CTNNA3: variants seen among roughly 807,000 people sequenced by gnomAD.
CTNNA3 encodes the protein catenin alpha-3.
A neutral mutation model predicts 95.7 loss-of-function variants in CTNNA3; 76 were observed. That is an observed-to-expected ratio of 0.79 (90% CI 0.66 to 0.96). The LOEUF is 0.96. Among genes scored for constraint, CTNNA3 ranks in the 40% least tolerant of loss-of-function variants. The pLI is 0.00. For missense variants in CTNNA3, 1,191 were observed against 1,089.8 expected, an observed-to-expected ratio of 1.09 and a Z score of -1.31; for synonymous variants, 431 against 374.4, an observed-to-expected ratio of 1.15 and a Z score of -1.74.
At chr10:67,292,242 G>C (rs1839866716) in intron 5 of CTNNA3, among the ~76,000 whole-genome samples, 1 of 152,138 alleles carries the variant, frequency 6.6e-6, no homozygotes, top group African/African-American at 2.4e-5. Flanking sequence ...AGGTGTTATG[G>C]GGGGCTTTAG....
chr10:66,919,950 T>C (rs1299156703), intron 7 of CTNNA3, among the ~76,000 whole-genome samples: 2 of 152,234 alleles, frequency 1.3e-5, no homozygotes, highest in African/African-American at 2.4e-5. Flanking sequence ...TTGGTGAAAG[T>C]ACTTTATAAG....
At chr10:67,304,213 A>G (rs1489451730) in intron 5 of CTNNA3, among the ~76,000 whole-genome samples, 1 of 152,216 alleles carries the variant, frequency 6.6e-6, no homozygotes, top group Non-Finnish European at 1.5e-5. Flanking sequence ...TATTTCTATT[A>G]TACAATGCTT....
intron 13 of CTNNA3, among the ~76,000 whole-genome samples, chr10:66,233,452 A>G (rs183980203): frequency 6.6e-6 from 1 of 152,272 alleles, no homozygotes; most frequent in Non-Finnish European, 1.5e-5. Flanking sequence ...AACATTTAGA[A>G]TATGTAAAAG....
At chr10:66,179,232 C>T (rs576579613) in intron 13 of CTNNA3, among the ~76,000 whole-genome samples, 8 of 151,724 alleles carry the variant, frequency 5.3e-5, no homozygotes, top group Non-Finnish European at 7.4e-5. Flanking sequence ...ATTAAAAAAA[C>T]GAACCTACTA....
chr10:67,428,476 T>A (rs919398606), intron 5 of CTNNA3, among the ~76,000 whole-genome samples: 4 of 152,050 alleles, frequency 2.6e-5, no homozygotes, highest in Non-Finnish European at 5.9e-5. Flanking sequence ...ACAACTAGAA[T>A]AATTGTAGTT....
At chr10:67,415,200 AAAG>A (rs1172332375) in intron 5 of CTNNA3, among the ~76,000 whole-genome samples, 3 of 152,236 alleles carry the variant, frequency 2.0e-5, no homozygotes, top group South Asian at 2.1e-4. Flanking sequence ...TTGAAAAAGA[AAAG>A]AAGAAGTCAA....
In CTNNA3 at chr10:66,941,598, G is replaced by T. The variant is rs574667180; in HGVS notation, c.1048-166074C>A. Among the ~76,000 whole-genome samples the T allele has an allele frequency of 1.2e-4, 19 of 152,228 alleles. 1 individual carries two copies. The South Asian group carries it at 3.7e-3, about 30-fold the overall frequency. ...TGAAAAAAAATCAAAGGCCATAAAAGCTATTTGTCAAATAAACTGCAGAAC... is the reference window on the plus strand; with the variant it reads ...TGAAAAAAAATCAAAGGCCATAAAATCTATTTGTCAAATAAACTGCAGAAC... On this transcript the variant is annotated intron_variant, in intron 7 of 17. Coordinates refer to ENST00000433211, the MANE Select transcript of CTNNA3 (RefSeq NM_013266.4).
intron 7 of CTNNA3, among the ~76,000 whole-genome samples, chr10:66,805,063 C>G (rs1841586487): frequency 2.6e-5 from 4 of 152,200 alleles, no homozygotes; most frequent in Non-Finnish European, 5.9e-5. Context: ...CTTTGGACTT[C>G]TGTGCTCAGC....
chr10:66,014,555 C>T (rs1211847094), intron 15 of CTNNA3, among the ~76,000 whole-genome samples: 2 of 152,130 alleles, frequency 1.3e-5, no homozygotes, highest in Admixed American at 6.5e-5. Context: ...TTAGTAAATG[C>T]TTTAATGACT....
intron 7 of CTNNA3, among the ~76,000 whole-genome samples, chr10:66,849,854 A>G (rs1005588177): frequency 6.6e-6 from 1 of 152,200 alleles, no homozygotes; most frequent in Non-Finnish European, 1.5e-5. Flanking sequence ...TAGGAAACTA[A>G]TATGACTGCT....
chr10:65,961,112 C>T (rs1022601495), intron 17 of CTNNA3, among the ~76,000 whole-genome samples: 7 of 150,120 alleles, frequency 4.7e-5, no homozygotes, highest in Admixed American at 1.3e-4. Context: ...CTAAACATTT[C>T]TCAATTACTG....
intron 13 of CTNNA3, among the ~76,000 whole-genome samples, chr10:66,213,833 T>C (rs770496178): frequency 6.6e-6 from 1 of 152,198 alleles, no homozygotes; most frequent in Non-Finnish European, 1.5e-5. Flanking sequence ...GCAAAGCAGA[T>C]TTTTATGCTT....
intron 12 of CTNNA3, among the ~76,000 whole-genome samples, chr10:66,346,587 T>C (rs1014458209): frequency 6.6e-6 from 1 of 151,972 alleles, no homozygotes; most frequent in African/African-American, 2.4e-5. Flanking sequence ...AAATAGTAAA[T>C]ATATTCATAA....
chr10:67,499,601 A>C (rs542518271), intron 5 of CTNNA3, among the ~76,000 whole-genome samples: 1 of 152,158 alleles, frequency 6.6e-6, no homozygotes, highest in East Asian at 1.9e-4. Context: ...TTACTGTCTC[A>C]ATTTCAGAAC....
At chr10:67,097,884 A>T in intron 7 of CTNNA3, 1 of 1,099,868 alleles carries the variant, frequency 9.1e-7, no homozygotes, top group Non-Finnish European at 1.3e-6. Context: ...GGACTCTAAA[A>T]ACAAAACAAA....
At chr10:67,134,871 A>G (rs941974848) in intron 7 of CTNNA3, among the ~76,000 whole-genome samples, 5 of 152,084 alleles carry the variant, frequency 3.3e-5, no homozygotes, top group African/African-American at 1.2e-4. Flanking sequence ...TATGACAGAG[A>G]GGAGTCACTC....
At chr10:66,412,456 A>AT (rs750175517) in intron 11 of CTNNA3, among the ~76,000 whole-genome samples, 1,293 of 126,148 alleles carry the variant, frequency 0.01, 17 homozygotes, top group African/African-American at 0.016. Context: ...GCCAAATACT[A>AT]TTTTTTTTTT....
chr10:66,844,651 T>C (rs544601249), intron 7 of CTNNA3, among the ~76,000 whole-genome samples: 2 of 152,314 alleles, frequency 1.3e-5, no homozygotes, highest in South Asian at 2.1e-4. Flanking sequence ...CTAAGAGTTA[T>C]GAAAAAATAG....
rs1345903308 is a variant in CTNNA3 at position 66,080,647 on chromosome 10, T to C, written c.1978-11158A>G. Among the ~76,000 whole-genome samples, 4 of 152,110 alleles carry C rather than the reference T, an allele frequency of 2.6e-5. No homozygotes were observed. The East Asian group carries it at 5.8e-4, about 22-fold the overall frequency. ...TCAAATAATAATTTCACTGACTGAGTTAAACAGCCAAGGAAAATTTTATTC... is the reference window on the plus strand; with the variant it reads ...TCAAATAATAATTTCACTGACTGAGCTAAACAGCCAAGGAAAATTTTATTC... On this transcript the variant is annotated intron_variant, in intron 14 of 17. Coordinates refer to ENST00000433211, the MANE Select transcript of CTNNA3 (RefSeq NM_013266.4).
Sources: allele counts gnomAD v4.1 joint callset (sites outside exome capture counted in the v4.1 genomes callset), GRCh38; gene constraint gnomAD v4.1.1; transcripts MANE v1.5; gene names NCBI Gene and HGNC (gene_info 2026-07-23, HGNC 2026-07-21).